Variants in RGS3 observed in about 807,000 individuals in gnomAD.
RGS3 encodes regulator of G-protein signalling 3.
Under a neutral mutation model 132.6 loss-of-function variants are expected in RGS3, and 80 were observed. The observed-to-expected ratio is 0.60, with a 90% CI of 0.50 to 0.73. The LOEUF is 0.73. Ranked by LOEUF, RGS3 falls within the 30% of genes least tolerant of loss-of-function variation. The pLI, the probability that RGS3 is intolerant of heterozygous loss-of-function variation, is 0.00. For synonymous variants in RGS3, 598 were observed against 620.6 expected (o/e 0.96, Z 0.54); for missense variants, 1,382 against 1,530.8 (o/e 0.90, Z 1.62).
exon 25 of RGS3, chr9:113,597,177 G>T: frequency 2.1e-6 from 1 of 477,326 alleles, no homozygotes; most frequent in Non-Finnish European, 3.7e-6. Flanking sequence ...GGTACGAGGG[G>T]GCCCAAGACC....
At chr9:113,556,560 T>C (rs1158926969) in intron 19 of RGS3, among the ~76,000 whole-genome samples, 2 of 152,056 alleles carry the variant, frequency 1.3e-5, no homozygotes, top group African/African-American at 4.8e-5. Context: ...AATTAGGAGG[T>C]GCAGGCCAGG....
At chr9:113,582,113 G>A (rs1834851056) in intron 19 of RGS3, 3 of 985,356 alleles carry the variant, frequency 3.0e-6, no homozygotes, top group Admixed American at 6.1e-5. Context: ...GCAGCCTGCA[G>A]CTGCCCCAAG....
At chr9:113,581,228 C>T (rs1238125497) in intron 19 of RGS3, 2 of 154,404 alleles carry the variant, frequency 1.3e-5, no homozygotes, top group African/African-American at 2.4e-5. Flanking sequence ...GACTCTGGCC[C>T]CAGCCTAGCC....
chr9:113,498,416 G>A (rs1395615434), intron 10 of RGS3, among the ~76,000 whole-genome samples: 3 of 152,094 alleles, frequency 2.0e-5, no homozygotes, highest in East Asian at 1.9e-4. Context: ...GACTGAGGCC[G>A]AATCACCCTC....
At chr9:113,584,234 C>T (rs770021312) in exon 20 of RGS3, 7 of 1,613,100 alleles carry the variant, frequency 4.3e-6, no homozygotes, top group South Asian at 1.1e-5. Flanking sequence ...CGGCGCCGGA[C>T]GCACAGCGAG....
intron 4 of RGS3, 48 bp from the exon 3 acceptor site, chr9:113,483,011 G>GTGTGTA: frequency 6.2e-7 from 1 of 1,613,546 alleles, no homozygotes; most frequent in South Asian, 1.1e-5. Flanking sequence ...CGCTGTGTGT[G>GTGTGTA]TGTGTATGTT....
chr9:113,543,664 T>C (rs1480581275), intron 19 of RGS3, among the ~76,000 whole-genome samples: 1 of 152,160 alleles, frequency 6.6e-6, no homozygotes, highest in Non-Finnish European at 1.5e-5. Flanking sequence ...AGCAAGCTCA[T>C]CTCTCCTGGA....
At chr9:113,564,540 C>G (rs986634775) in intron 19 of RGS3, among the ~76,000 whole-genome samples, 1 of 152,208 alleles carries the variant, frequency 6.6e-6, no homozygotes, top group Admixed American at 6.5e-5. Context: ...AGTGCTGGAG[C>G]TGGAACTGGA....
intron 20 of RGS3, among the ~76,000 whole-genome samples, chr9:113,585,399 G>A (rs1835068154): frequency 6.6e-6 from 1 of 152,272 alleles, no homozygotes; most frequent in Non-Finnish European, 1.5e-5. Flanking sequence ...CTAGCCGCTT[G>A]AGAGGCGGCC....
At chr9:113,517,324 A>C in intron 15 of RGS3, 1 of 668,792 alleles carries the variant, frequency 1.5e-6, no homozygotes, top group Non-Finnish European at 2.8e-6. Context: ...TTGATGGGGA[A>C]GGTGGCAGCA....
chr9:113,526,674 G>C (rs1832226934), intron 17 of RGS3, among the ~76,000 whole-genome samples: 1 of 152,160 alleles, frequency 6.6e-6, no homozygotes, highest in African/African-American at 2.4e-5. Context: ...CTCTGGGAAA[G>C]TGACGGAGGG....
chr9:113,485,832 G>C (rs1269699540), intron 7 of RGS3, 139 bp downstream of exon 5: 7 of 620,360 alleles, frequency 1.1e-5, no homozygotes, highest in Non-Finnish European at 1.7e-5. Flanking sequence ...TGCAGAGGCT[G>C]CCCCTCCTTG....
intron 19 of RGS3, among the ~76,000 whole-genome samples, chr9:113,543,884 G>A (rs981204346): frequency 6.6e-6 from 1 of 152,186 alleles, no homozygotes; most frequent in African/African-American, 2.4e-5. Context: ...GTGGGCCCTG[G>A]GCAGTGACTG....
At chr9:113,479,466 G>T (rs1830092686) in intron 3 of RGS3, 25 bp from the exon 2 acceptor site, 1 of 1,613,738 alleles carries the variant, frequency 6.2e-7, no homozygotes, top group African/African-American at 1.3e-5. Context: ...CTGAGGCAAG[G>T]TTGTTTCTGT....
intron 19 of RGS3, among the ~76,000 whole-genome samples, chr9:113,539,311 C>T (rs551600104): frequency 9.2e-5 from 14 of 152,302 alleles, no homozygotes; most frequent in African/African-American, 3.1e-4. Context: ...AAGGGTCCTG[C>T]TGGACCGATT....
intron 19 of RGS3, among the ~76,000 whole-genome samples, chr9:113,547,314 A>G (rs556950584): frequency 2.6e-5 from 4 of 152,330 alleles, no homozygotes; most frequent in South Asian, 2.1e-4. Context: ...ATATTCATCA[A>G]TGTACTCATC....
At chr9:113,448,865 G>A (rs1422374634) in intron 1 of RGS3, among the ~76,000 whole-genome samples, 1 of 152,220 alleles carries the variant, frequency 6.6e-6, no homozygotes, top group East Asian at 1.9e-4. Flanking sequence ...GGTCACTTTG[G>A]ATATTACCAT....
upstream of RGS3, among the ~76,000 whole-genome samples, chr9:113,459,602 T>G (rs113719453): frequency 0.025 from 3,762 of 152,064 alleles, 68 homozygotes; most frequent in Admixed American, 0.037. Context: ...ATACAAAAAT[T>G]AGCTAGGTGT....
At chr9:113,474,733 G>A (rs1829938339) in intron 3 of RGS3, among the ~76,000 whole-genome samples, 1 of 152,092 alleles carries the variant, frequency 6.6e-6, no homozygotes, top group African/African-American at 2.4e-5. Context: ...TTCTTAAATG[G>A]GCAGCGGCTT....
Sources: gnomAD v4.1 joint callset for allele counts (sites outside exome capture counted in the v4.1 genomes callset) on GRCh38, gnomAD v4.1.1 for gene constraint, MANE v1.5 for transcripts, NCBI Gene and HGNC (gene_info 2026-07-23, HGNC 2026-07-21) for gene names.